The following TMEM132D variants were observed in gnomAD, a reference collection of about 807,000 sequenced individuals.
The protein encoded by TMEM132D is transmembrane protein 132D.
A neutral mutation model predicts 62.3 loss-of-function variants in TMEM132D; 21 were observed. The observed-to-expected ratio is 0.34, with a 90% CI of 0.24 to 0.49. The LOEUF (loss-of-function observed/expected upper bound fraction) is 0.49. Among genes scored for constraint, TMEM132D ranks in the 20% least tolerant of loss-of-function variants. The pLI is 0.99. For missense variants in TMEM132D, 1,346 were observed against 1,402.8 expected (o/e 0.96, Z 0.65); for synonymous variants, 621 against 575.6 (o/e 1.08, Z -1.13).
chr12:129,877,462 T>G (rs1238898373), intron 1 of TMEM132D, among the ~76,000 whole-genome samples: 1 of 152,144 alleles, frequency 6.6e-6, no homozygotes. Flanking sequence ...CTGAGAAACA[T>G]CCTTAAACGC....
chr12:129,619,743 T>G (rs1482852917), intron 2 of TMEM132D, among the ~76,000 whole-genome samples: 1 of 152,216 alleles, frequency 6.6e-6, no homozygotes, highest in Non-Finnish European at 1.5e-5. Context: ...GGTTTAAAGG[T>G]CTCAATCAGG....
chr12:129,620,918 C>T (rs767991085), intron 2 of TMEM132D, among the ~76,000 whole-genome samples: 3 of 152,288 alleles, frequency 2.0e-5, no homozygotes, highest in South Asian at 2.1e-4. Flanking sequence ...AGCAAACCAC[C>T]GTGGCACACG....
chr12:129,602,507 A>T (rs563752088), intron 2 of TMEM132D, among the ~76,000 whole-genome samples: 1 of 152,270 alleles, frequency 6.6e-6, no homozygotes, highest in East Asian at 1.9e-4. Context: ...TAGGGAGGAG[A>T]AGATGAACTG....
At chr12:129,840,288 T>A (rs2137343200) in intron 1 of TMEM132D, 1 of 152,216 alleles carries the variant, frequency 6.6e-6, no homozygotes, top group Admixed American at 6.5e-5. Context: ...CCTTGGGCAC[T>A]GCCCCCCAAC....
At chr12:129,518,347 C>T (rs1875742541) in intron 3 of TMEM132D, among the ~76,000 whole-genome samples, 1 of 152,020 alleles carries the variant, frequency 6.6e-6, no homozygotes. Flanking sequence ...GTTTCGTTTG[C>T]CTTTGGTGTC....
chr12:129,568,714 T>C (rs996420438), intron 2 of TMEM132D, among the ~76,000 whole-genome samples: 2 of 152,252 alleles, frequency 1.3e-5, no homozygotes, highest in Non-Finnish European at 2.9e-5. Context: ...TGTTATCTTA[T>C]TGGTATCTCC....
intron 2 of TMEM132D, among the ~76,000 whole-genome samples, chr12:129,670,261 C>A (rs1423851286): frequency 6.6e-6 from 1 of 152,148 alleles, no homozygotes; most frequent in African/African-American, 2.4e-5. Flanking sequence ...AGTCCTTTCC[C>A]AAAGCAGACC....
At chr12:129,282,462 T>C (rs1352333198) in intron 4 of TMEM132D, among the ~76,000 whole-genome samples, 1 of 152,188 alleles carries the variant, frequency 6.6e-6, no homozygotes, top group African/African-American at 2.4e-5. Flanking sequence ...CATCTGTAGA[T>C]GGCACAGATC....
chr12:129,840,090 T>A (rs898196847), intron 1 of TMEM132D: 21 of 152,238 alleles, frequency 1.4e-4, no homozygotes, highest in Non-Finnish European at 2.5e-4. Flanking sequence ...TTAAAAAATA[T>A]GACCTCAATT....
At chr12:129,669,713 A>AAAATAAAT (rs577335656) in intron 2 of TMEM132D, among the ~76,000 whole-genome samples, 3 of 149,738 alleles carry the variant, frequency 2.0e-5, no homozygotes, top group African/African-American at 7.3e-5. Flanking sequence ...TCAAGAAATA[A>AAAATAAAT]AAATAAATAA....
At chr12:129,510,773 C>T (rs1203585216) in intron 3 of TMEM132D, among the ~76,000 whole-genome samples, 3 of 152,018 alleles carry the variant, frequency 2.0e-5, no homozygotes, top group Non-Finnish European at 4.4e-5. Flanking sequence ...TATTTTTTGC[C>T]ATTTCTTTCA....
intron 2 of TMEM132D, among the ~76,000 whole-genome samples, chr12:129,545,147 T>C (rs1876697210): frequency 6.6e-6 from 1 of 152,162 alleles, no homozygotes; most frequent in African/African-American, 2.4e-5. Context: ...AAATTATTAC[T>C]CCCTCCTTCC....
intron 3 of TMEM132D, among the ~76,000 whole-genome samples, chr12:129,357,480 G>A (rs569044186): frequency 6.6e-6 from 1 of 150,438 alleles, no homozygotes; most frequent in South Asian, 2.1e-4. Context: ...AAAAAGGAAG[G>A]AGGAAGGGAG....
intron 5 of TMEM132D, among the ~76,000 whole-genome samples, chr12:129,116,022 G>A (rs1047605073): frequency 2.0e-5 from 3 of 152,208 alleles, no homozygotes; most frequent in African/African-American, 7.2e-5. Flanking sequence ...AAATGCCTCC[G>A]CAGGCCATCT....
chr12:129,137,388 G>T (rs1443831106), intron 5 of TMEM132D, among the ~76,000 whole-genome samples: 1 of 152,096 alleles, frequency 6.6e-6, no homozygotes, highest in Non-Finnish European at 1.5e-5. Context: ...TTACACTACA[G>T]GTACTATTAC....
chr12:129,573,407 C>A (rs567814227), intron 2 of TMEM132D, among the ~76,000 whole-genome samples: 72 of 152,282 alleles, frequency 4.7e-4, no homozygotes, highest in Middle Eastern at 3.4e-3. Context: ...ATCATTTCAT[C>A]TTAGCAGCTT....
intron 2 of TMEM132D, among the ~76,000 whole-genome samples, chr12:129,610,690 G>T (rs987379397): frequency 6.6e-6 from 1 of 151,716 alleles, no homozygotes; most frequent in Non-Finnish European, 1.5e-5. Flanking sequence ...ATGAATATGT[G>T]GGCTCTATTC....
intron 4 of TMEM132D, among the ~76,000 whole-genome samples, chr12:129,288,154 A>G (rs1881355854): frequency 6.6e-6 from 1 of 152,344 alleles, no homozygotes; most frequent in African/African-American, 2.4e-5. Context: ...TAAATAGGGG[A>G]AAAGCTCCAT....
At chr12:129,805,522 A>G (rs1360005690) in intron 1 of TMEM132D, among the ~76,000 whole-genome samples, 2 of 152,164 alleles carry the variant, frequency 1.3e-5, no homozygotes, top group Admixed American at 6.5e-5. Flanking sequence ...CCTTCCTTAC[A>G]TCTTATACAA....
Sources: allele counts gnomAD v4.1 joint callset (sites outside exome capture counted in the v4.1 genomes callset), GRCh38; gene constraint gnomAD v4.1.1; transcripts MANE v1.5; gene names NCBI Gene and HGNC (gene_info 2026-07-23, HGNC 2026-07-21).